The following DLEU7 variants were observed in gnomAD, a reference collection of about 807,000 sequenced individuals.
DLEU7 encodes leukemia-associated protein 7.
A neutral mutation model predicts 16.0 loss-of-function variants in DLEU7; 17 were observed. That is an observed-to-expected ratio of 1.06 (90% CI 0.73 to 1.59). DLEU7 has a LOEUF of 1.59. Ranked by LOEUF, DLEU7 falls within the 40% of genes most tolerant of loss-of-function variation. The pLI, the probability that DLEU7 is intolerant of heterozygous loss-of-function variation, is 0.00. For missense variants in DLEU7, 308 were observed against 314.9 expected, an observed-to-expected ratio of 0.98 and a Z score of 0.17; for synonymous variants, 113 against 139.8, an observed-to-expected ratio of 0.81 and a Z score of 1.35.
Position 50,823,093 on chromosome 13 carries a change from C to G in DLEU7, c.*221G>C. ...TCAATCAGAAAGTCAGCAAATAGGT[C>G]AATATACTTAAAAATATGAACTACT... On this transcript the variant is annotated 3_prime_UTR_variant, in exon 2 of 2. Transcript: ENST00000504404. 1 of 1,339,740 alleles carries G rather than the reference C, an allele frequency of 7.5e-7. No individual in the cohort carries two copies. The highest frequency in any genetic ancestry group is 9.6e-7 in the Non-Finnish European group (1 of 1,043,876). 83.0% of individuals were successfully genotyped at this position (1,339,740 alleles called of 1,614,324 possible).
chr13:50,815,739 C>T (rs1188125777), intron 1 of DLEU7, among the ~76,000 whole-genome samples: 1 of 152,104 alleles, frequency 6.6e-6, no homozygotes. Context: ...TTTAATGGTA[C>T]AACATTTTCC....
At chr13:50,814,013 A>C (rs1376319519) in intron 1 of DLEU7, among the ~76,000 whole-genome samples, 3 of 152,170 alleles carry the variant, frequency 2.0e-5, no homozygotes, top group African/African-American at 4.8e-5. Context: ...CTGTCAGACC[A>C]AGGTGAGAGA....
intron 1 of DLEU7, among the ~76,000 whole-genome samples, chr13:50,739,853 C>T (rs577995647): frequency 2.0e-5 from 3 of 152,246 alleles, no homozygotes; most frequent in East Asian, 3.9e-4. Context: ...TGCTTAGATA[C>T]ATAATGACAC....
chr13:50,766,109 C>G (rs986042671), intron 1 of DLEU7, among the ~76,000 whole-genome samples: 1 of 152,140 alleles, frequency 6.6e-6, no homozygotes, highest in African/African-American at 2.4e-5. Context: ...TGTTGTCTGG[C>G]TAGAGCAACA....
intron 1 of DLEU7, among the ~76,000 whole-genome samples, chr13:50,782,566 C>T (rs1022485311): frequency 1.3e-5 from 2 of 152,168 alleles, no homozygotes; most frequent in Non-Finnish European, 2.9e-5. Flanking sequence ...CTTCCCTTGC[C>T]ATGGCTTTAA....
intron 1 of DLEU7, among the ~76,000 whole-genome samples, chr13:50,723,915 C>T (rs1873692860): frequency 6.6e-6 from 1 of 151,674 alleles, no homozygotes; most frequent in Non-Finnish European, 1.5e-5. Context: ...TGAAAGTCTC[C>T]AAGATAATGA....
intron 1 of DLEU7, among the ~76,000 whole-genome samples, chr13:50,723,628 G>A (rs1280562153): frequency 6.6e-6 from 1 of 151,986 alleles, no homozygotes; most frequent in Non-Finnish European, 1.5e-5. Context: ...CTCATGTGAG[G>A]GGAAGTAGAG....
At chr13:50,712,410 G>T (rs919346684) in exon 2 of DLEU7, 1 of 152,076 alleles carries the variant, frequency 6.6e-6, no homozygotes, top group Admixed American at 6.6e-5. Context: ...CCAAGAAGTT[G>T]TTAGTGAGAG....
chr13:50,758,541 G>A (rs979878551), intron 1 of DLEU7, among the ~76,000 whole-genome samples: 1 of 152,216 alleles, frequency 6.6e-6, no homozygotes, highest in African/African-American at 2.4e-5. Flanking sequence ...TGAAGCTGCA[G>A]TTAAGCAGTC....
chr13:50,843,440 GC>G lies in DLEU7; in HGVS notation c.206del (p.Gly69AlafsTer22). ...GCCGACTCCTGGTCCCCACGCCCCC[GC>G]CCCGCTCCTCGCGCCCGGGCCCCGG... ...ARPGPGREER[G>X]GGVGTRSRRT... is the part of the protein sequence containing the mutation. On this transcript the variant is annotated frameshift_variant, in exon 1 of 2. Transcript: ENST00000504404. LOFTEE classifies it high-confidence loss of function. This position sits in a 1 kb window ranked among gnomAD's most constrained non-coding sequence, Gnocchi z 5.7. 7.5e-7 allele frequency: 1 copy of G among 1,326,322 alleles called. No homozygotes were observed. 82.2% of individuals were successfully genotyped at this position (1,326,322 alleles called of 1,614,324 possible).
chr13:50,714,512 A>C (rs1873383233), intron 1 of DLEU7, among the ~76,000 whole-genome samples: 1 of 152,232 alleles, frequency 6.6e-6, no homozygotes, highest in South Asian at 2.1e-4. Context: ...GAGCTGAGAA[A>C]AAAAAATATT....
At chr13:50,721,381 G>C (rs1216218918) in intron 1 of DLEU7, among the ~76,000 whole-genome samples, 1 of 151,860 alleles carries the variant, frequency 6.6e-6, no homozygotes, top group Non-Finnish European at 1.5e-5. Context: ...CCTTGTGATC[G>C]TGTGAGTCAA....
intron 1 of DLEU7, among the ~76,000 whole-genome samples, chr13:50,722,015 T>A (rs541612566): frequency 1.6e-4 from 24 of 152,312 alleles, no homozygotes; most frequent in African/African-American, 5.1e-4. Flanking sequence ...CCCATTTACA[T>A]TTCCTTCACA....
chr13:50,795,810 T>TA, intron 1 of DLEU7, among the ~76,000 whole-genome samples: 1 of 152,276 alleles, frequency 6.6e-6, no homozygotes, highest in South Asian at 2.1e-4. Context: ...AACTGGAAAT[T>TA]AAAGATAATT....
chr13:50,799,665 T>A (rs868432055), intron 1 of DLEU7, among the ~76,000 whole-genome samples: 6 of 152,306 alleles, frequency 3.9e-5, no homozygotes, highest in African/African-American at 1.4e-4. Context: ...TGCCTTAAAA[T>A]GGACTCTACA....
intron 1 of DLEU7, among the ~76,000 whole-genome samples, chr13:50,832,029 C>T (rs550945857): frequency 2.0e-5 from 3 of 152,164 alleles, no homozygotes; most frequent in African/African-American, 4.8e-5. Context: ...CTCTCTTTTT[C>T]TACGATTTGG....
chr13:50,819,970 G>A (rs748016968), downstream of DLEU7, among the ~76,000 whole-genome samples: 1 of 152,082 alleles, frequency 6.6e-6, no homozygotes, highest in Non-Finnish European at 1.5e-5. Flanking sequence ...CAAGAGATGT[G>A]GAAGAACCAG....
downstream of DLEU7, chr13:50,822,759 T>C: frequency 1.0e-6 from 1 of 985,630 alleles, no homozygotes; most frequent in Non-Finnish European, 1.2e-6. Context: ...GCAACTCTTC[T>C]CTGCTCAACA....
intron 1 of DLEU7, among the ~76,000 whole-genome samples, chr13:50,721,782 A>C (rs1383139025): frequency 1.3e-5 from 2 of 152,198 alleles, no homozygotes; most frequent in Non-Finnish European, 2.9e-5. Flanking sequence ...CATGGGAAGT[A>C]CTAGCTAGTG....
Sources: allele counts gnomAD v4.1 joint callset (sites outside exome capture counted in the v4.1 genomes callset), GRCh38; gene constraint gnomAD v4.1.1; non-coding constraint Gnocchi (gnomAD v3.1); transcripts MANE v1.5; gene names NCBI Gene and HGNC (gene_info 2026-07-23, HGNC 2026-07-21).